The following RIMS3 variants were observed in gnomAD, a reference collection of about 807,000 sequenced individuals.
RIMS3 encodes the protein regulating synaptic membrane exocytosis protein 3.
A neutral mutation model predicts 29.2 loss-of-function variants in RIMS3; 15 were observed. That is an observed-to-expected ratio of 0.51 (90% CI 0.34 to 0.79). RIMS3 has a LOEUF of 0.79. Among genes scored for constraint, RIMS3 ranks in the 30% least tolerant of loss-of-function variants. RIMS3 has a pLI of 0.01. For synonymous variants in RIMS3, 161 were observed against 170.1 expected (o/e 0.95, Z 0.41); for missense variants, 342 against 421.4 (o/e 0.81, Z 1.65).
At chr1:40,638,180 A>T (rs1180433989) in intron 3 of RIMS3, among the ~76,000 whole-genome samples, 1 of 152,064 alleles carries the variant, frequency 6.6e-6, no homozygotes, top group African/African-American at 2.4e-5. Flanking sequence ...GTGCCGAGAG[A>T]GCTGGGACTA....
At chr1:40,669,827 T>C (rs1254352890), upstream of RIMS3, among the ~76,000 whole-genome samples, 1 of 152,220 alleles carries the variant, frequency 6.6e-6, no homozygotes, top group Non-Finnish European at 1.5e-5. Context: ...CAGCCTGCTC[T>C]GCCAACCCAA....
At chr1:40,627,716 C>T (rs1163757061) in intron 7 of RIMS3, among the ~76,000 whole-genome samples, 1 of 152,134 alleles carries the variant, frequency 6.6e-6, no homozygotes, top group Non-Finnish European at 1.5e-5. Flanking sequence ...ATCCTCCTGC[C>T]TCAGCACCTC....
chr1:40,637,935 A>G (rs1180437057), intron 3 of RIMS3, among the ~76,000 whole-genome samples: 2 of 152,138 alleles, frequency 1.3e-5, no homozygotes, highest in Admixed American at 1.3e-4. Context: ...CCTCGCCTTC[A>G]TATCTCTACC....
intron 2 of RIMS3, among the ~76,000 whole-genome samples, chr1:40,645,813 G>A (rs1370771645): frequency 6.6e-6 from 1 of 152,196 alleles, no homozygotes; most frequent in Non-Finnish European, 1.5e-5. Context: ...TTGACAAGCA[G>A]TTGGTTTGGC....
At chr1:40,632,283 A>G (rs1204714029) in intron 5 of RIMS3, among the ~76,000 whole-genome samples, 1 of 152,008 alleles carries the variant, frequency 6.6e-6, no homozygotes, top group Non-Finnish European at 1.5e-5. Flanking sequence ...GGCCCGTAAG[A>G]TTATAATGGA....
chr1:40,644,511 G>A (rs1646581600), intron 2 of RIMS3, among the ~76,000 whole-genome samples: 1 of 152,190 alleles, frequency 6.6e-6, no homozygotes, highest in Non-Finnish European at 1.5e-5. Context: ...GAGACAGACA[G>A]TAAGTAACTA....
At chr1:40,663,664 G>A (rs998824995) in intron 1 of RIMS3, among the ~76,000 whole-genome samples, 3 of 152,174 alleles carry the variant, frequency 2.0e-5, no homozygotes, top group African/African-American at 4.8e-5. Flanking sequence ...TGGGTTCTGC[G>A]CAGTAAAATC....
At chr1:40,651,326 T>C (rs923323321) in intron 1 of RIMS3, among the ~76,000 whole-genome samples, 3 of 152,020 alleles carry the variant, frequency 2.0e-5, no homozygotes, top group African/African-American at 7.3e-5. Flanking sequence ...GAGGCAGAAA[T>C]GGGAGTGACG....
At chr1:40,671,669 C>T in the RIMS3 span, among the ~76,000 whole-genome samples, 1 of 152,078 alleles carries the variant, frequency 6.6e-6, no homozygotes, top group Non-Finnish European at 1.5e-5. Flanking sequence ...CTTCCTGAGG[C>T]TTCCCCAGAA....
chr1:40,621,091 A>G lies in RIMS3; in HGVS notation c.*5426T>C, dbSNP rs1646418108. On this transcript the variant is annotated 3_prime_UTR_variant, in exon 8 of 8. Coordinates refer to ENST00000372684, the MANE Select transcript of RIMS3 (RefSeq NM_014747.3). ...TCTGAAATGATGTCTGGTTAAAGAC[A>G]TTCTGGAGGGAGGAGTGGTCTTAAG... 1.3e-5 allele frequency: 2 copies of G among 152,252 alleles called. No homozygotes were observed. Among genetic ancestry groups the G allele is most frequent in the Non-Finnish European group, 2.9e-5 (2 of 68,036 alleles). The allele number at this position is 152,252 out of a possible 1,614,324, so 9.4% of individuals were successfully genotyped here.
At chr1:40,691,232 A>G in the RIMS3 span, 1 of 155,180 alleles carries the variant, frequency 6.4e-6, no homozygotes, top group South Asian at 1.6e-4. Context: ...ATCACTTTAC[A>G]GTTTGGTGCT....
intron 5 of RIMS3, among the ~76,000 whole-genome samples, chr1:40,632,425 T>C (rs1158814310): frequency 3.7e-5 from 1 of 27,220 alleles, no homozygotes; most frequent in African/African-American, 2.2e-4. Context: ...AATTTATATA[T>C]ATATATATAT....
chr1:40,662,620 CCGGA>C (rs930900758), intron 1 of RIMS3, among the ~76,000 whole-genome samples: 5 of 152,150 alleles, frequency 3.3e-5, no homozygotes, highest in Non-Finnish European at 7.3e-5. Context: ...TTCACTCCTC[CCGGA>C]CCCTCCTTTT....
At chr1:40,637,165 G>A (rs1646525625) in intron 3 of RIMS3, among the ~76,000 whole-genome samples, 1 of 152,234 alleles carries the variant, frequency 6.6e-6, no homozygotes, top group African/African-American at 2.4e-5. Flanking sequence ...CCTGAAAACA[G>A]TGGGGAGCAG....
chr1:40,632,801 C>T (rs944265898), intron 5 of RIMS3, among the ~76,000 whole-genome samples: 5 of 152,016 alleles, frequency 3.3e-5, no homozygotes, highest in African/African-American at 1.2e-4. Context: ...AGCCACAGTT[C>T]CTACACATTA....
In RIMS3 at chr1:40,656,510, G is replaced by A. The variant is rs558353601; in HGVS notation, c.-206-8668C>T. Among the ~76,000 whole-genome samples, 7 of 152,230 alleles carry A rather than the reference G, an allele frequency of 4.6e-5. No individual in the cohort carries two copies. In the South Asian group the frequency reaches 6.2e-4, roughly 14 times the overall value. On this transcript the variant is annotated intron_variant, in intron 1 of 7. Coordinates refer to ENST00000372684, the MANE Select transcript of RIMS3 (RefSeq NM_014747.3). ...GTTAAAGACACATTAGAGGCCGGGC[G>A]CGGTGGCTCACGCCTGTAATCCTAG...
intron 4 of RIMS3, among the ~76,000 whole-genome samples, chr1:40,634,715 G>A (rs987976534): frequency 9.2e-5 from 14 of 152,122 alleles, no homozygotes; most frequent in African/African-American, 3.4e-4. Context: ...GCTGAGGTGG[G>A]CGAATCACCT....
intron 3 of RIMS3, among the ~76,000 whole-genome samples, chr1:40,637,358 G>C (rs1376770732): frequency 6.6e-6 from 1 of 152,156 alleles, no homozygotes; most frequent in East Asian, 1.9e-4. Flanking sequence ...TGGATGGAAG[G>C]GTGGGTGGCG....
At chr1:40,663,415 G>C (rs556968290) in intron 1 of RIMS3, among the ~76,000 whole-genome samples, 1 of 152,102 alleles carries the variant, frequency 6.6e-6, no homozygotes, top group Non-Finnish European at 1.5e-5. Context: ...CTGGGGAGTG[G>C]GGCAGGTGAG....
Sources: gnomAD v4.1 joint callset for allele counts (sites outside exome capture counted in the v4.1 genomes callset) on GRCh38, gnomAD v4.1.1 for gene constraint, MANE v1.5 for transcripts, NCBI Gene and HGNC (gene_info 2026-07-23, HGNC 2026-07-21) for gene names.